Variants in DENND1A observed in about 807,000 individuals in gnomAD.
The protein encoded by DENND1A is DENN domain containing 1A.
DENND1A carries 51 observed loss-of-function variants against 113.7 expected under a neutral mutation model. The ratio of observed to expected loss-of-function variants is 0.45; its 90% CI spans 0.36 to 0.57. DENND1A has a LOEUF of 0.57. Ranked by LOEUF, DENND1A falls within the 20% of genes least tolerant of loss-of-function variation. The probability of loss-of-function intolerance (pLI) is 0.00; values close to 1 mark genes in which losing one functional copy is unlikely to be tolerated. For missense variants in DENND1A, 1,258 were observed against 1,395.9 expected, an observed-to-expected ratio of 0.90 and a Z score of 1.57; for synonymous variants, 565 against 570.8, an observed-to-expected ratio of 0.99 and a Z score of 0.14.
intron 12 of DENND1A, among the ~76,000 whole-genome samples, chr9:123,565,869 T>G (rs531013805): frequency 3.9e-5 from 6 of 152,356 alleles, no homozygotes; most frequent in South Asian, 2.1e-4. Context: ...TTCCCAGGAA[T>G]AGTTTCTGTA....
chr9:123,619,991 T>G (rs1447945256), intron 10 of DENND1A, among the ~76,000 whole-genome samples: 1 of 151,810 alleles, frequency 6.6e-6, no homozygotes, highest in African/African-American at 2.4e-5. Context: ...GGTGGGCGGA[T>G]CATTTGAGGT....
rs2042192937 is a variant in DENND1A at position 123,379,931 on chromosome 9, C to T, written c.*1501G>A. 6.6e-6 allele frequency: 1 copy of T among 152,324 alleles called. No individual in the cohort carries two copies. Among genetic ancestry groups the T allele is most frequent in the Non-Finnish European group, 1.5e-5 (1 of 68,156 alleles). 9.4% of individuals were successfully genotyped at this position (152,324 alleles called of 1,614,324 possible). On this transcript the variant is annotated 3_prime_UTR_variant, in exon 24 of 24. Transcript: ENST00000394215. Reference sequence around the variant, plus strand: ...GTGCCCAGGAGGTGCCCCCATGGCCCAGGAGTGACACGGCTCCCCCAGCAG... The same window carrying T: ...GTGCCCAGGAGGTGCCCCCATGGCCTAGGAGTGACACGGCTCCCCCAGCAG...
chr9:123,622,228 C>T (rs568085397), intron 10 of DENND1A, among the ~76,000 whole-genome samples: 58 of 152,300 alleles, frequency 3.8e-4, no homozygotes, highest in African/African-American at 1.4e-3. Flanking sequence ...AAAGCATGAG[C>T]TTGTCTTGAT....
At chr9:123,781,444 C>T (rs116368865) in intron 3 of DENND1A, among the ~76,000 whole-genome samples, 92 of 152,270 alleles carry the variant, frequency 6.0e-4, no homozygotes, top group African/African-American at 2.2e-3. Context: ...CACTGGACTT[C>T]AGGCTCTTTA....
intron 12 of DENND1A, among the ~76,000 whole-genome samples, chr9:123,580,152 T>G (rs537778302): frequency 7.9e-5 from 12 of 152,344 alleles, no homozygotes; most frequent in African/African-American, 2.9e-4. Flanking sequence ...CTGTTTGCCA[T>G]AATAATCCTC....
At chr9:123,627,162 C>G (rs1057483543) in intron 10 of DENND1A, among the ~76,000 whole-genome samples, 1 of 152,156 alleles carries the variant, frequency 6.6e-6, no homozygotes, top group Admixed American at 6.5e-5. Flanking sequence ...TCTAGCAGGT[C>G]CTCTCTGCAA....
chr9:123,657,722 T>C (rs2063032131), intron 8 of DENND1A, among the ~76,000 whole-genome samples: 1 of 152,144 alleles, frequency 6.6e-6, no homozygotes, highest in Non-Finnish European at 1.5e-5. Context: ...CTATTCAAAT[T>C]ATTTTACCAT....
At position 123,381,724 on chromosome 9, in the gene DENND1A, G is replaced by T; in HGVS notation, c.2921C>A (p.Pro974His). 6.5e-7 allele frequency: 1 copy of T among 1,530,974 alleles called. No individual in the cohort carries two copies. The highest frequency in any genetic ancestry group is 2.1e-5 in the Admixed American group (1 of 47,058). The allele number at this position is 1,530,974 out of a possible 1,614,324, so 94.8% of individuals were successfully genotyped here. A position where few individuals can be genotyped will look rare whatever the true frequency, so the allele number is the denominator to read the frequency against. ...THTSPLQPLG[P>H]PAVAPSRIRT... ...GATCCTCGACGGGGCAACTGCTGGG[G>T]GACCCAGCGGCTGTAGGGGGCTCGT... is the stretch of plus-strand genomic sequence containing the variant. Residue 974 changes from proline (P) to histidine (H), a missense_variant, in exon 24 of 24, where the codon CCC becomes CAC. By Grantham distance (77) the Pro-to-His change is moderately conservative. Transcript: ENST00000394215. The surrounding 1 kb of genome is among the most constrained non-coding windows in gnomAD (Gnocchi z 4.7).
In DENND1A at chr9:123,737,577, G is replaced by A. The variant is rs1020440353; in HGVS notation, c.302+20126C>T. ...AAGCTTAGTTGTGTTTGGAAAAAAC[G>A]TAGCAGAAGCTAAGATTTTTGTACA... is the stretch of plus-strand genomic sequence containing the variant. On this transcript the variant is annotated intron_variant, in intron 5 of 23. Transcript: ENST00000394215. Among the ~76,000 whole-genome samples the A allele has an allele frequency of 2.6e-5, 4 of 152,144 alleles. No individual in the cohort carries two copies. The South Asian group carries it at 8.3e-4, about 31-fold the overall frequency.
At chr9:123,628,280 C>T (rs118027609) in intron 10 of DENND1A, among the ~76,000 whole-genome samples, 6,486 of 151,608 alleles carry the variant, frequency 0.043, 176 homozygotes, top group South Asian at 0.059. Flanking sequence ...TCTCAACAAA[C>T]AGGTGATGAA....
intron 13 of DENND1A, among the ~76,000 whole-genome samples, chr9:123,530,714 G>C (rs1030182339): frequency 2.6e-5 from 4 of 152,078 alleles, no homozygotes; most frequent in African/African-American, 7.2e-5. Context: ...TTATCTGCAG[G>C]GGATGTGTTC....
chr9:123,853,071 C>T (rs563015250), intron 2 of DENND1A, among the ~76,000 whole-genome samples: 1 of 151,876 alleles, frequency 6.6e-6, no homozygotes, highest in Non-Finnish European at 1.5e-5. Context: ...AGGTGAACAC[C>T]ACCACATCCA....
chr9:123,577,561 A>G (rs1184325640), intron 12 of DENND1A, among the ~76,000 whole-genome samples: 1 of 152,168 alleles, frequency 6.6e-6, no homozygotes, highest in Non-Finnish European at 1.5e-5. Flanking sequence ...TGTGAATGTT[A>G]TGTTATCGAA....
At chr9:123,385,948 G>C (rs1588261627) in intron 22 of DENND1A, among the ~76,000 whole-genome samples, 1 of 152,192 alleles carries the variant, frequency 6.6e-6, no homozygotes, top group Non-Finnish European at 1.5e-5. Flanking sequence ...TTTTGAGTTA[G>C]GATGGGCTAG....
At chr9:123,912,735 C>T (rs961724631) in intron 1 of DENND1A, among the ~76,000 whole-genome samples, 2 of 152,086 alleles carry the variant, frequency 1.3e-5, no homozygotes, top group South Asian at 2.1e-4. Flanking sequence ...GGACTTCCAC[C>T]GCCTCTGGCA....
At chr9:123,836,850 T>A (rs909933303) in intron 2 of DENND1A, among the ~76,000 whole-genome samples, 2 of 152,188 alleles carry the variant, frequency 1.3e-5, no homozygotes, top group Admixed American at 6.5e-5. Context: ...ATTTAACAGA[T>A]AATTTACAAA....
chr9:123,494,648 T>G (rs2051696786), intron 13 of DENND1A, among the ~76,000 whole-genome samples: 1 of 152,240 alleles, frequency 6.6e-6, no homozygotes, highest in Non-Finnish European at 1.5e-5. Context: ...CACAGTCTGA[T>G]GATCCCATTT....
At chr9:123,796,790 C>T (rs1037200400) in intron 2 of DENND1A, among the ~76,000 whole-genome samples, 27 of 151,556 alleles carry the variant, frequency 1.8e-4, no homozygotes, top group African/African-American at 5.6e-4. Flanking sequence ...CACACACACA[C>T]ATCTTACCAA....
intron 5 of DENND1A, among the ~76,000 whole-genome samples, chr9:123,717,754 T>C (rs2067073894): frequency 6.6e-6 from 1 of 152,230 alleles, no homozygotes; most frequent in African/African-American, 2.4e-5. Context: ...GAGGTTGCCC[T>C]GTGTCCACTG....
Sources: allele counts gnomAD v4.1 joint callset (sites outside exome capture counted in the v4.1 genomes callset), GRCh38; gene constraint gnomAD v4.1.1; non-coding constraint Gnocchi (gnomAD v3.1); transcripts MANE v1.5; gene names NCBI Gene and HGNC (gene_info 2026-07-23, HGNC 2026-07-21).